The following IQGAP3 variants were observed in gnomAD, a reference collection of about 807,000 sequenced individuals.
IQGAP3 encodes ras GTPase-activating-like protein IQGAP3.
IQGAP3 carries 165 observed loss-of-function variants against 208.2 expected under a neutral mutation model. The ratio of observed to expected loss-of-function variants is 0.79; its 90% confidence interval spans 0.70 to 0.90. IQGAP3 has a LOEUF of 0.90. Ranked by LOEUF, IQGAP3 falls within the 40% of genes least tolerant of loss-of-function variation. The pLI is 0.00. For synonymous variants in IQGAP3, 703 were observed against 803.6 expected (o/e 0.87, Z 2.12); for missense variants, 1,811 against 2,043.1 (o/e 0.89, Z 2.19).
In IQGAP3 at chr1:156,539,034, C is replaced by T; in HGVS notation, c.3057-1G>A. ...GTCCTGGGGCTGCTCCACCTTTGAC[C>T]TGTGGTTTAAGAGGTCATTGAAACC... On this transcript the variant is annotated splice_acceptor_variant, in intron 25 of 37. Transcript: ENST00000361170. LOFTEE classifies it high-confidence loss of function. The T allele has an allele frequency of 1.2e-6, 2 of 1,612,642 alleles. No individual in the cohort carries two copies. Among genetic ancestry groups the T allele is most frequent in the Non-Finnish European group, 8.5e-7 (1 of 1,179,148 alleles).
At chr1:156,565,490 C>T (rs1367600552) in intron 4 of IQGAP3, among the ~76,000 whole-genome samples, 4 of 152,186 alleles carry the variant, frequency 2.6e-5, no homozygotes, top group African/African-American at 9.7e-5. Flanking sequence ...CCTATCATGC[C>T]TTCATTTGTA....
At chr1:156,559,654 T>C (rs1223609803) in intron 11 of IQGAP3, among the ~76,000 whole-genome samples, 1 of 152,136 alleles carries the variant, frequency 6.6e-6, no homozygotes, top group Non-Finnish European at 1.5e-5. Flanking sequence ...CACCCGCTCA[T>C]CAACAGGTGA....
chr1:156,530,504 T>A (rs1674340528), intron 33 of IQGAP3, among the ~76,000 whole-genome samples, 187 bp from the exon 34 acceptor site: 1 of 152,128 alleles, frequency 6.6e-6, no homozygotes, highest in African/African-American at 2.4e-5. Context: ...ATGAAGAATA[T>A]CAAGGTATAA....
intron 11 of IQGAP3, 140 bp downstream of exon 11, chr1:156,560,794 T>C: frequency 1.7e-6 from 1 of 594,502 alleles, no homozygotes; most frequent in African/African-American, 1.8e-5. Flanking sequence ...AAGCAGATTA[T>C]GTGAGGGGAG....
At chr1:156,550,732 C>T (rs1675508961) in intron 15 of IQGAP3, among the ~76,000 whole-genome samples, 2 of 152,206 alleles carry the variant, frequency 1.3e-5, no homozygotes, top group African/African-American at 4.8e-5. Context: ...TACCTGCCCC[C>T]ACGCCCCACT....
intron 13 of IQGAP3, 75 bp from the exon 14 acceptor site, chr1:156,552,170 C>G: frequency 6.4e-7 from 1 of 1,551,906 alleles, no homozygotes; most frequent in African/African-American, 1.4e-5. Flanking sequence ...AACAGTTGAA[C>G]GATTTTCTTC....
chr1:156,539,041 T>G lies in IQGAP3; in HGVS notation c.3057-8A>C, dbSNP rs753431521. On this transcript the variant is annotated splice_region_variant and splice_polypyrimidine_tract_variant and intron_variant, in intron 25 of 37. Coordinates refer to ENST00000361170, the MANE Select transcript of IQGAP3 (RefSeq NM_178229.5). ...GGCTGCTCCACCTTTGACCTGTGGT[T>G]TAAGAGGTCATTGAAACCAGTCTTC... The G allele has an allele frequency of 6.2e-7, 1 of 1,609,568 alleles. No individual in the cohort carries two copies. The highest frequency in any genetic ancestry group is 1.1e-5 in the South Asian group (1 of 90,552).
chr1:156,560,968 A>G lies in IQGAP3; in HGVS notation c.1095T>C (p.Ala365=). 1.2e-6 allele frequency: 2 copies of G among 1,613,914 alleles called. No homozygotes were observed. Among genetic ancestry groups the G allele is most frequent in the Non-Finnish European group, 1.7e-6 (2 of 1,179,888 alleles). Reference sequence around the variant, plus strand: ...CCTGATCACCCTTTGTGTTGGCTGCAGCCACACCAGCCTGGACTTCCTCCT... The same window carrying G: ...CCTGATCACCCTTTGTGTTGGCTGCGGCCACACCAGCCTGGACTTCCTCCT... ...LEKEEVQAGV[A]AANTKGDQEQ... The change falls in exon 11 of 38, where the codon GCT becomes GCC. Residue 365 remains alanine (A), a synonymous_variant. Transcript: ENST00000361170.
chr1:156,533,808 T>C lies in IQGAP3; in HGVS notation c.3941A>G (p.Asp1314Gly), dbSNP rs1264740904. The change falls in exon 31 of 38, where the codon GAT (aspartate) becomes GGT (glycine). Residue 1314 changes from aspartate (D) to glycine (G), a missense_variant. Transcript: ENST00000361170. ...HQDPLHELLE[D>G]LGELPTIPDL... ...AGGGATGGTGGGCAGCTCCCCAAGA[T>C]CCTCCAGGAGCTCATGCAGGGGGTC... is the stretch of plus-strand genomic sequence containing the variant. 1 of 1,613,506 alleles carries C rather than the reference T, an allele frequency of 6.2e-7. No homozygotes were observed. The highest frequency in any genetic ancestry group is 2.2e-5 in the East Asian group (1 of 44,870).
chr1:156,561,114 G>T, intron 10 of IQGAP3, 93 bp from the exon 11 acceptor site: 1 of 815,384 alleles, frequency 1.2e-6, no homozygotes. Context: ...GGTCTACCCA[G>T]CCACCTACCC....
At position 156,534,138 on chromosome 1, in the gene IQGAP3, C is replaced by T. The variant is rs768572071; in HGVS notation, c.3744G>A (p.Lys1248=). Residue 1248 remains lysine (K), a synonymous_variant, in exon 30 of 38, where the codon AAG becomes AAA. Transcript: ENST00000361170. Reference sequence around the variant, plus strand: ...GCACCTGGCAGGCTCTATGGATGAACTTCCTGTCCAGAGGGCGGGCATGTG... The same window carrying T: ...GCACCTGGCAGGCTCTATGGATGAATTTCCTGTCCAGAGGGCGGGCATGTG... ...YLEETHLKFR[K]FIHRACQVPE... The T allele has an allele frequency of 6.2e-7, 1 of 1,613,584 alleles. No homozygotes were observed. Among genetic ancestry groups the T allele is most frequent in the South Asian group, 1.1e-5 (1 of 91,084 alleles).
At chr1:156,552,904 T>C (rs1368853008) in intron 13 of IQGAP3, among the ~76,000 whole-genome samples, 1 of 152,122 alleles carries the variant, frequency 6.6e-6, no homozygotes, top group Non-Finnish European at 1.5e-5. Context: ...AGAGATCCTA[T>C]CTCTACAAAA....
chr1:156,569,633 G>C (rs939276766), intron 1 of IQGAP3, among the ~76,000 whole-genome samples, 170 bp from the exon 2 acceptor site: 1 of 144,126 alleles, frequency 6.9e-6, no homozygotes, highest in Admixed American at 7.5e-5. Flanking sequence ...ATTCTCCTGC[G>C]TCAGCCTCCC....
chr1:156,554,384 GC>G lies in IQGAP3; in HGVS notation c.1298del (p.Gly433AlafsTer17), dbSNP rs1557938155. On this transcript the variant is annotated frameshift_variant, in exon 13 of 38. Transcript: ENST00000361170. LOFTEE classifies it high-confidence loss of function. ...CCACAGCCACGAAGAGCTCCTCCTG[GC>G]CAAGCTCCTACAATGGGTGGGAGGG... ...AVLQQQQGEL[G>X]QEELFVAVEM... 2 of 1,605,318 alleles carry G rather than the reference GC, an allele frequency of 1.2e-6. No homozygotes were observed. Among genetic ancestry groups the G allele is most frequent in the South Asian group, 2.2e-5 (2 of 89,992 alleles).
In IQGAP3 at chr1:156,563,664, C is replaced by T. The variant is rs1291939876; in HGVS notation, c.508G>A (p.Glu170Lys). 4.3e-6 allele frequency: 7 copies of T among 1,612,350 alleles called. No individual in the cohort carries two copies. The highest frequency in any genetic ancestry group is 5.9e-6 in the Non-Finnish European group (7 of 1,179,158). Residue 170 changes from glutamate (E) to lysine (K), a missense_variant and splice_region_variant, in exon 7 of 38, where the codon GAG (glutamate) becomes AAG (lysine). Glu to Lys is a moderately conservative substitution (Grantham distance 56). Transcript: ENST00000361170. Reference protein sequence around the residue: ...DLYGKVKFTAEELSNMASELA... With the variant: ...DLYGKVKFTAKELSNMASELA... ...TCGGACGCCATGTTGCTGAGTTCCT[C>T]AGCTGCAATGATGCCACAGGTGCCC...
intron 22 of IQGAP3, among the ~76,000 whole-genome samples, chr1:156,542,029 G>A (rs764393197): frequency 4.6e-5 from 7 of 152,098 alleles, no homozygotes; most frequent in Non-Finnish European, 1.0e-4. Context: ...AGTTAGAGGT[G>A]TAGGGAAAGG....
chr1:156,542,890 G>A (rs1404587463), intron 22 of IQGAP3, among the ~76,000 whole-genome samples: 2 of 152,012 alleles, frequency 1.3e-5, no homozygotes, highest in African/African-American at 4.8e-5. Flanking sequence ...GCAGTGAGCC[G>A]TGATCATGCC....
At position 156,534,037 on chromosome 1, in the gene IQGAP3, G is replaced by C; in HGVS notation, c.3845C>G (p.Thr1282Ser). The change falls in exon 30 of 38, where the codon ACC becomes AGC. Residue 1282 changes from threonine to serine, a missense_variant. By Grantham distance (58) the Thr-to-Ser change is moderately conservative (BLOSUM62 1). Transcript: ENST00000361170. Reference sequence around the variant, plus strand: ...GTGCGTGTTGACCAGCTCCCCCACGGTGATGTACACCATGGGTTTGGCCAC... The same window carrying C: ...GTGCGTGTTGACCAGCTCCCCCACGCTGATGTACACCATGGGTTTGGCCAC... ...VAVAKPMVYI[T>S]VGELVNTHRL... 6.2e-7 allele frequency: 1 copy of C among 1,613,888 alleles called. No individual in the cohort carries two copies. Among genetic ancestry groups the C allele is most frequent in the Non-Finnish European group, 8.5e-7 (1 of 1,180,024 alleles).
In IQGAP3 at chr1:156,534,772, C is replaced by T. The variant is rs1397545221; in HGVS notation, c.3508-39G>A. 4 of 1,397,494 alleles carry T rather than the reference C, an allele frequency of 2.9e-6. No homozygotes were observed. In the Admixed American group the frequency reaches 8.5e-5, roughly 30 times the overall value. 86.6% of individuals were successfully genotyped at this position (1,397,494 alleles called of 1,614,324 possible). A position where few individuals can be genotyped will look rare whatever the true frequency, so the allele number is the denominator to read the frequency against. On this transcript the variant is annotated intron_variant, in intron 28 of 37. Coordinates refer to ENST00000361170, the MANE Select transcript of IQGAP3 (RefSeq NM_178229.5). ...AGACTCTCCCAGAAGTGTCCAGGGG[C>T]CGCCTTGACTGGTGCGGCCCCACAT... is the stretch of plus-strand genomic sequence containing the variant.
Sources: gnomAD v4.1 joint callset for allele counts (sites outside exome capture counted in the v4.1 genomes callset) on GRCh38, gnomAD v4.1.1 for gene constraint, MANE v1.5 for transcripts, NCBI Gene and HGNC (gene_info 2026-07-23, HGNC 2026-07-21) for gene names.